The following BANK1 variants were observed in gnomAD, a reference collection of about 807,000 sequenced individuals.
BANK1 encodes the protein B cell scaffold protein with ankyrin repeats 1, also known as B-cell scaffold protein with ankyrin repeats.
Under a neutral mutation model 94.5 loss-of-function variants are expected in BANK1, and 95 were observed. The observed-to-expected ratio is 1.00, with a 90% CI of 0.85 to 1.19. The LOEUF (loss-of-function observed/expected upper bound fraction) is 1.19. Ranked by LOEUF, BANK1 falls within the 50% of genes most tolerant of loss-of-function variation. The pLI is 0.00. For synonymous variants in BANK1, 334 were observed against 308.4 expected, an observed-to-expected ratio of 1.08 and a Z score of -0.87; for missense variants, 987 against 932.2, an observed-to-expected ratio of 1.06 and a Z score of -0.77.
chr4:101,855,657 A>G (rs1727653292), intron 3 of BANK1, among the ~76,000 whole-genome samples: 1 of 152,220 alleles, frequency 6.6e-6, no homozygotes, highest in Non-Finnish European at 1.5e-5. Context: ...GTCAAAAGAA[A>G]TTTAGATTCA....
chr4:101,841,430 T>G (rs1207535505), intron 2 of BANK1, among the ~76,000 whole-genome samples: 1 of 152,050 alleles, frequency 6.6e-6, no homozygotes, highest in Non-Finnish European at 1.5e-5. Context: ...ATGAGTATCT[T>G]TTTTTAAATT....
rs755335462 is a variant in BANK1 at position 101,862,542 on chromosome 4, T to G, written c.641T>G (p.Phe214Cys). ...ATCTTACAGAATCCTGGTGAAATAT[T>G]CATAATTTTGAGAGATGAAGTAATT... The part of the protein sequence containing the change: ...EIPCENPGEI[F>C]IILRDEVIGD... The change falls in exon 4 of 17, where the codon TTC becomes TGC. Residue 214 changes from phenylalanine (F) to cysteine (C), a missense_variant. Physicochemically the swap from Phe to Cys is radical, Grantham distance 205. Coordinates refer to ENST00000322953, the MANE Select transcript of BANK1 (RefSeq NM_017935.5). 1.2e-6 allele frequency: 2 copies of G among 1,604,378 alleles called. No individual in the cohort carries two copies. Among genetic ancestry groups the G allele is most frequent in the African/African-American group, 2.7e-5 (2 of 74,576 alleles).
At chr4:101,858,210 T>C (rs1237872694) in intron 3 of BANK1, among the ~76,000 whole-genome samples, 1 of 152,188 alleles carries the variant, frequency 6.6e-6, no homozygotes, top group Non-Finnish European at 1.5e-5. Flanking sequence ...CTCTACCCAG[T>C]GGATATTTGG....
chr4:101,887,818 A>G (rs1728910147), intron 5 of BANK1, among the ~76,000 whole-genome samples: 1 of 152,198 alleles, frequency 6.6e-6, no homozygotes, highest in Non-Finnish European at 1.5e-5. Flanking sequence ...TTCATTCAAA[A>G]CAGAAAATTA....
intron 7 of BANK1, among the ~76,000 whole-genome samples, chr4:102,005,523 T>C (rs1726232057): frequency 6.6e-6 from 1 of 152,024 alleles, no homozygotes; most frequent in Non-Finnish European, 1.5e-5. Flanking sequence ...GTGGACACAG[T>C]GTGGGAGAAC....
intron 12 of BANK1, chr4:102,061,742 T>G (rs1479674124): frequency 8.9e-6 from 1 of 111,844 alleles, no homozygotes; most frequent in Non-Finnish European, 1.9e-5. Context: ...GTTTGTATAT[T>G]TAAATTTAAT....
At chr4:101,979,261 T>A (rs1162096350) in intron 7 of BANK1, among the ~76,000 whole-genome samples, 1 of 151,922 alleles carries the variant, frequency 6.6e-6, no homozygotes, top group Non-Finnish European at 1.5e-5. Flanking sequence ...AAAAACAGAC[T>A]GCCTCTGGTA....
chr4:101,813,322 A>G (rs1725786016), intron 1 of BANK1, among the ~76,000 whole-genome samples: 1 of 152,186 alleles, frequency 6.6e-6, no homozygotes, highest in Non-Finnish European at 1.5e-5. Flanking sequence ...CATTTGAGCT[A>G]TTTCAATTTA....
intron 7 of BANK1, among the ~76,000 whole-genome samples, chr4:101,926,949 G>T (rs966738672): frequency 1.3e-5 from 2 of 151,716 alleles, no homozygotes; most frequent in Non-Finnish European, 3.0e-5. Flanking sequence ...GTAATTAGAT[G>T]GCATCAGAAA....
intron 2 of BANK1, among the ~76,000 whole-genome samples, chr4:101,838,212 G>GAT (rs1229728641): frequency 1.3e-5 from 2 of 152,124 alleles, no homozygotes; most frequent in Non-Finnish European, 2.9e-5. Context: ...ACCCACCTCG[G>GAT]CCTTCCAAAG....
At chr4:101,898,001 A>T (rs979468485) in intron 6 of BANK1, among the ~76,000 whole-genome samples, 2 of 151,942 alleles carry the variant, frequency 1.3e-5, no homozygotes, top group Non-Finnish European at 2.9e-5. Context: ...CTTAAAGCTA[A>T]AAATGAAAAG....
intron 7 of BANK1, among the ~76,000 whole-genome samples, chr4:102,007,116 T>TA (rs1726310125): frequency 2.5e-5 from 1 of 39,618 alleles, no homozygotes; most frequent in Non-Finnish European, 6.3e-5. Context: ...TATATAAATA[T>TA]ATATTTTATA....
intron 7 of BANK1, among the ~76,000 whole-genome samples, chr4:101,975,174 A>G (rs749604159): frequency 2.6e-5 from 4 of 152,200 alleles, no homozygotes; most frequent in Non-Finnish European, 5.9e-5. Context: ...AGTTTCTTCT[A>G]TGATAGGAGA....
chr4:102,022,286 G>A (rs1030798722), intron 8 of BANK1, among the ~76,000 whole-genome samples: 11 of 151,978 alleles, frequency 7.2e-5, no homozygotes, highest in Non-Finnish European at 1.6e-4. Context: ...CCCCATCTCA[G>A]TAAGTGAAAA....
intron 11 of BANK1, among the ~76,000 whole-genome samples, chr4:102,049,943 T>C (rs1727993210): frequency 2.0e-5 from 3 of 152,172 alleles, no homozygotes; most frequent in Admixed American, 2.0e-4. Context: ...ATACTGCACA[T>C]GGGCTCCTCC....
intron 3 of BANK1, among the ~76,000 whole-genome samples, chr4:101,860,342 C>T (rs999508643): frequency 6.6e-6 from 1 of 152,108 alleles, no homozygotes; most frequent in African/African-American, 2.4e-5. Context: ...ATGTGAGTGC[C>T]TCATTTGGGG....
intron 7 of BANK1, among the ~76,000 whole-genome samples, chr4:101,959,645 C>A (rs889022482): frequency 2.0e-5 from 3 of 152,118 alleles, no homozygotes; most frequent in Non-Finnish European, 2.9e-5. Flanking sequence ...TCTGCAAGCA[C>A]CTTTAGCAAT....
chr4:101,933,325 A>AG (rs1723421471), intron 7 of BANK1, among the ~76,000 whole-genome samples: 1 of 151,392 alleles, frequency 6.6e-6, no homozygotes, highest in Non-Finnish European at 1.5e-5. Flanking sequence ...AAAAAAAAAA[A>AG]AAAGCTAAGC....
chr4:101,861,977 C>G (rs953998814), intron 3 of BANK1, among the ~76,000 whole-genome samples: 1 of 152,072 alleles, frequency 6.6e-6, no homozygotes, highest in Non-Finnish European at 1.5e-5. Flanking sequence ...CCATGGCAGA[C>G]ACTTACCACA....
Sources: allele counts gnomAD v4.1 joint callset (sites outside exome capture counted in the v4.1 genomes callset), GRCh38; gene constraint gnomAD v4.1.1; transcripts MANE v1.5; gene names NCBI Gene and HGNC (gene_info 2026-07-23, HGNC 2026-07-21).